PCDH11X: variants seen among roughly 807,000 people sequenced by gnomAD.
PCDH11X encodes the protein protocadherin 11 X-linked.
In PCDH11X, 18 loss-of-function variants were observed where a neutral mutation model predicts 53.3. The ratio of observed to expected loss-of-function variants is 0.34; its 90% CI spans 0.23 to 0.50. The LOEUF (loss-of-function observed/expected upper bound fraction) is 0.50. Among genes scored for constraint, PCDH11X ranks in the 20% least tolerant of loss-of-function variants. PCDH11X has a pLI of 0.98. For missense variants in PCDH11X, 570 were observed against 1,032.4 expected (o/e 0.55, Z 6.14); for synonymous variants, 279 against 393.3 (o/e 0.71, Z 3.44).
At position 92,046,199 on chromosome X, in the gene PCDH11X, A is replaced by T. The variant is rs752559997; in HGVS notation, c.3034-155176A>T. ...GACGCATAAATTGGCAAATCCTACA[A>T]CAGGGTGTTTTTCACCTCTTTTGAG... On this transcript the variant is annotated intron_variant, in intron 6 of 10. Coordinates refer to ENST00000682573, the MANE Select transcript of PCDH11X (RefSeq NM_032968.5). Among the ~76,000 whole-genome samples the T allele has an allele frequency of 9.0e-5, 10 of 111,506 alleles. No individual in the cohort carries two copies. The East Asian group carries it at 2.9e-3, about 32-fold the overall frequency.
intron 5 of PCDH11X, among the ~76,000 whole-genome samples, chrX:91,864,940 T>C (rs1938883431): frequency 9.0e-6 from 1 of 111,305 alleles, no homozygotes. Context: ...TTGAATTTCT[T>C]TGAGTTTCTT....
At chrX:92,546,491 T>G (rs757289456) in intron 10 of PCDH11X, among the ~76,000 whole-genome samples, 74 of 110,858 alleles carry the variant, frequency 6.7e-4, no homozygotes, top group African/African-American at 2.4e-3. Flanking sequence ...TTGTGTTTTA[T>G]CAATTCTCAT....
At chrX:92,220,524 G>A (rs1476874321) in intron 7 of PCDH11X, among the ~76,000 whole-genome samples, 1 of 109,806 alleles carries the variant, frequency 9.1e-6, no homozygotes, top group Non-Finnish European at 1.9e-5. Flanking sequence ...AGTTAGAAGG[G>A]CAATCATTAA....
chrX:91,858,630 C>T (rs978263142), intron 5 of PCDH11X, among the ~76,000 whole-genome samples: 8 of 108,547 alleles, frequency 7.4e-5, no homozygotes, highest in Middle Eastern at 4.6e-3. Context: ...TTTCTTCTGC[C>T]GGATACCCTA....
intron 9 of PCDH11X, among the ~76,000 whole-genome samples, chrX:92,434,724 C>T (rs967770956): frequency 6.5e-5 from 7 of 107,536 alleles, no homozygotes; most frequent in Admixed American, 3.0e-4. Context: ...TGTATTAGTC[C>T]GTTTTCATGC....
At chrX:92,249,952 G>A (rs1019284237) in intron 7 of PCDH11X, among the ~76,000 whole-genome samples, 2 of 110,142 alleles carry the variant, frequency 1.8e-5, no homozygotes, top group African/African-American at 6.6e-5. Context: ...TCTTTTTTTC[G>A]GACTTTAACA....
chrX:92,162,164 G>T (rs1374958558), intron 6 of PCDH11X, among the ~76,000 whole-genome samples: 1 of 98,231 alleles, frequency 1.0e-5, no homozygotes, highest in Non-Finnish European at 2.0e-5. Flanking sequence ...TCGGAGGGAA[G>T]ATCTGGGGCT....
chrX:91,864,881 C>G (rs1938881999), intron 5 of PCDH11X, among the ~76,000 whole-genome samples: 1 of 111,236 alleles, frequency 9.0e-6, no homozygotes, highest in Non-Finnish European at 1.9e-5. Flanking sequence ...ATTTCAATCT[C>G]TTTGTTAAAT....
chrX:91,829,087 G>A (rs1937022166), intron 4 of PCDH11X, among the ~76,000 whole-genome samples: 1 of 110,626 alleles, frequency 9.0e-6, no homozygotes, highest in South Asian at 3.8e-4. Context: ...AGTGCTTTGT[G>A]CAGATATTGC....
chrX:92,309,298 A>G (rs2068896556), intron 8 of PCDH11X, among the ~76,000 whole-genome samples: 1 of 112,321 alleles, frequency 8.9e-6, no homozygotes. Flanking sequence ...ACAGTAGAAT[A>G]TCAGTCAGCT....
At chrX:92,554,856 T>TATAAA (rs1244444274) in intron 10 of PCDH11X, among the ~76,000 whole-genome samples, 2 of 111,174 alleles carry the variant, frequency 1.8e-5, no homozygotes, top group African/African-American at 6.5e-5. Flanking sequence ...CATGCCTTTA[T>TATAAA]ATAAGCTAGC....
chrX:92,574,781 GTTT>G (rs1034162252), intron 10 of PCDH11X, among the ~76,000 whole-genome samples: 5 of 110,851 alleles, frequency 4.5e-5, no homozygotes, highest in African/African-American at 1.6e-4. Flanking sequence ...ACAAAAATTT[GTTT>G]TTGACAGGTA....
chrX:91,961,529 A>G (rs1254270846), intron 6 of PCDH11X, among the ~76,000 whole-genome samples: 1 of 110,640 alleles, frequency 9.0e-6, no homozygotes, highest in Admixed American at 9.7e-5. Context: ...TTGGAAGATG[A>G]CATAATCTTA....
intron 8 of PCDH11X, among the ~76,000 whole-genome samples, chrX:92,298,490 A>G (rs2755287): frequency 2.1e-4 from 24 of 112,142 alleles, no homozygotes; most frequent in Non-Finnish European, 5.6e-5. Context: ...TCCCAGGAAT[A>G]AAGTCTATTT....
chrX:92,155,718 T>C (rs1348545068), intron 6 of PCDH11X, among the ~76,000 whole-genome samples: 1 of 104,263 alleles, frequency 9.6e-6, no homozygotes, highest in African/African-American at 3.5e-5. Flanking sequence ...GCTCCACCTC[T>C]CGGGTTCACG....
chrX:91,948,967 G>T (rs1211816643), intron 6 of PCDH11X, among the ~76,000 whole-genome samples: 1 of 110,716 alleles, frequency 9.0e-6, no homozygotes, highest in Non-Finnish European at 1.9e-5. Flanking sequence ...ACTCAAACTG[G>T]ATTCTACAAG....
chrX:91,891,060 G>T (rs1343376178), intron 6 of PCDH11X, among the ~76,000 whole-genome samples: 3 of 106,530 alleles, frequency 2.8e-5, no homozygotes, highest in Non-Finnish European at 5.8e-5. Flanking sequence ...AAATTAAGAA[G>T]ATTTAAAATA....
At chrX:91,989,188 G>T (rs1462656274) in intron 6 of PCDH11X, among the ~76,000 whole-genome samples, 6 of 109,836 alleles carry the variant, frequency 5.5e-5, no homozygotes, top group African/African-American at 2.0e-4. Flanking sequence ...ATTCAATGTT[G>T]CTTACACTTC....
Position 91,835,773 on chromosome X carries a change from G to A in PCDH11X, c.269G>A (p.Arg90His), listed in dbSNP as rs1937274798. The part of the protein sequence containing the change: ...DTGEIFTTGA[R>H]IDREKLCAGI... ...GGTGAGATCTTCACTACTGGCGCTC[G>A]CATTGATCGTGAGAAATTATGTGCT... is the stretch of plus-strand genomic sequence containing the variant. Residue 90 changes from arginine to histidine, a missense_variant, in exon 5 of 11, where the codon CGC becomes CAC. By Grantham distance (29) the Arg-to-His change is conservative. Transcript: ENST00000682573. 8.3e-7 allele frequency: 1 copy of A among 1,211,365 alleles called. No homozygotes were observed.
Sources: gnomAD v4.1 joint callset for allele counts (sites outside exome capture counted in the v4.1 genomes callset) on GRCh38, gnomAD v4.1.1 for gene constraint, MANE v1.5 for transcripts, NCBI Gene and HGNC (gene_info 2026-07-23, HGNC 2026-07-21) for gene names.